Variants in TAF1C observed in about 807,000 individuals in gnomAD.
TAF1C encodes the protein TATA box-binding protein-associated factor RNA polymerase I subunit C.
Under a neutral mutation model 70.5 loss-of-function variants are expected in TAF1C, and 79 were observed. The ratio of observed to expected loss-of-function variants is 1.12; its 90% confidence interval spans 0.93 to 1.35. TAF1C has a LOEUF of 1.35. Among genes scored for constraint, TAF1C ranks in the 40% most tolerant of loss-of-function variants. TAF1C has a pLI of 0.00. For missense variants in TAF1C, 1,412 were observed against 1,127.8 expected (o/e 1.25, Z -3.61); for synonymous variants, 614 against 491.1 (o/e 1.25, Z -3.31).
Position 84,180,279 on chromosome 16 carries a change from G to A in TAF1C, c.1374C>T (p.Leu458=). 6.5e-7 allele frequency: 1 copy of A among 1,549,824 alleles called. No homozygotes were observed. Among genetic ancestry groups the A allele is most frequent in the Non-Finnish European group, 8.7e-7 (1 of 1,148,484 alleles). The part of the protein sequence containing the change: ...LVPMLKWNHG[L]PSPLLLARLL... ...GTCGGGCCAGCAGGAGCGGGGAGGG[G>A]AGGCCATGGTTCCACTTCAGCATCG... is the stretch of plus-strand genomic sequence containing the variant. The change falls in exon 13 of 15, where the codon CTC becomes CTT. Residue 458 remains leucine (L), a synonymous_variant. Coordinates refer to ENST00000566732, the MANE Select transcript of TAF1C (RefSeq NM_001243156.2).
Position 84,185,016 on chromosome 16 carries a change from T to TG in TAF1C, c.-29dup. 1 of 1,607,600 alleles carries TG rather than the reference T, an allele frequency of 6.2e-7. No homozygotes were observed. Among genetic ancestry groups the TG allele is most frequent in the Admixed American group, 1.7e-5 (1 of 59,306 alleles). Reference sequence around the variant, plus strand: ...TGGAAACAAGGACCAAGCACCACACTGGCCACCTCGAGAGACTGGAAGCTG... The same window carrying TG: ...TGGAAACAAGGACCAAGCACCACACTGGGCCACCTCGAGAGACTGGAAGCTG... On this transcript the variant is annotated 5_prime_UTR_variant, in exon 2 of 15. Transcript: ENST00000566732.
chr16:84,182,443 G>A lies in TAF1C; in HGVS notation c.483-3C>T, dbSNP rs1461550086. 2.5e-6 allele frequency: 4 copies of A among 1,597,840 alleles called. No individual in the cohort carries two copies. Among genetic ancestry groups the A allele is most frequent in the Non-Finnish European group, 3.4e-6 (4 of 1,175,306 alleles). ...TGCTGAGGTAAGCCCAGGGACACCTGGGGACCAGAGAACAGCAGGAGGATC... is the reference window on the plus strand; with the variant it reads ...TGCTGAGGTAAGCCCAGGGACACCTAGGGACCAGAGAACAGCAGGAGGATC... On this transcript the variant is annotated splice_polypyrimidine_tract_variant and splice_region_variant and intron_variant, in intron 6 of 14. Coordinates refer to ENST00000566732, the MANE Select transcript of TAF1C (RefSeq NM_001243156.2). This position sits in a 1 kb window ranked among gnomAD's most constrained non-coding sequence, Gnocchi z 5.0.
intron 10 of TAF1C, 60 bp downstream of exon 10, chr16:84,181,532 T>G (rs747698687): frequency 6.2e-7 from 1 of 1,613,532 alleles, no homozygotes; most frequent in East Asian, 2.2e-5. Context: ...GGTCGCGACA[T>G]GCTCAACAGG....
Position 84,178,751 on chromosome 16 carries a change from A to G in TAF1C, c.*190T>C. On this transcript the variant is annotated 3_prime_UTR_variant, in exon 15 of 15. Coordinates refer to ENST00000566732, the MANE Select transcript of TAF1C (RefSeq NM_001243156.2). ...ATCTTCAGGCGAATATACAAAATACAAAAGAAACTACTACTGTATTTTGTT... is the reference window on the plus strand; with the variant it reads ...ATCTTCAGGCGAATATACAAAATACGAAAGAAACTACTACTGTATTTTGTT... 1.6e-6 allele frequency: 1 copy of G among 631,692 alleles called. No individual in the cohort carries two copies. The highest frequency in any genetic ancestry group is 1.8e-5 in the African/African-American group (1 of 54,556). 39.1% of individuals were successfully genotyped at this position (631,692 alleles called of 1,614,324 possible). A position where few individuals can be genotyped will look rare whatever the true frequency, so the allele number is the denominator to read the frequency against.
At position 84,178,966 on chromosome 16, in the gene TAF1C, C is replaced by T. The variant is rs375521165; in HGVS notation, c.2507G>A (p.Arg836Gln). 3.1e-5 allele frequency: 50 copies of T among 1,609,798 alleles called. No homozygotes were observed. The African/African-American group carries it at 3.3e-4, about 11-fold the overall frequency. ...TCAGAAGCCCATTCGAGGCTTCTTC[C>T]GGAGGGGCTGAGAGCTAGAGAGGAC... The part of the protein sequence containing the change: ...TPVLSSSQPL[R>Q]KKPRMGF The change falls in exon 15 of 15, where the codon CGG becomes CAG. Residue 836 changes from arginine to glutamine, a missense_variant. Arg to Gln is a conservative substitution (Grantham distance 43, BLOSUM62 1). Transcript: ENST00000566732.
At chr16:84,186,449 G>A (rs373600023) in intron 1 of TAF1C, among the ~76,000 whole-genome samples, 13 of 152,190 alleles carry the variant, frequency 8.5e-5, no homozygotes, top group African/African-American at 3.1e-4. Flanking sequence ...AACTACCGAG[G>A]AGGCTGGGCA....
chr16:84,179,709 AG>A lies in TAF1C; in HGVS notation c.1763del (p.Pro588LeufsTer27), dbSNP rs1567584955. ...DSSLRRDAGPPGDTQPDCHAP... is the reference protein window; with the variant it reads ...DSSLRRDAGPXGDTQPDCHAP... ...CATGGCAGTCAGGTTGGGTGTCGCCAGGAGGCCCAGCATCTCTGCGGAGGCT... is the reference window on the plus strand; with the variant it reads ...CATGGCAGTCAGGTTGGGTGTCGCCAGAGGCCCAGCATCTCTGCGGAGGCT... On this transcript the variant is annotated frameshift_variant, in exon 15 of 15. Transcript: ENST00000566732. LOFTEE classifies it low-confidence loss of function (END_TRUNC). The A allele has an allele frequency of 1.2e-6, 2 of 1,612,412 alleles. No homozygotes were observed. The highest frequency in any genetic ancestry group is 3.3e-5 in the Admixed American group (2 of 59,976).
rs762636771 is a variant in TAF1C at position 84,183,145 on chromosome 16, C to G, written c.413G>C (p.Arg138Pro). Residue 138 changes from arginine to proline, a missense_variant, in exon 6 of 15, where the codon CGC becomes CCC. By Grantham distance (103) the Arg-to-Pro change is moderately radical (BLOSUM62 -2). Coordinates refer to ENST00000566732, the MANE Select transcript of TAF1C (RefSeq NM_001243156.2). ...ENFKLEGAGS[R>P]TKKKTVVSVK... is the part of the protein sequence containing the mutation. ...ACTGACCACTGTCTTCTTCTTAGTG[C>G]GGCTCTGCATGGAAAGGCCTTGTCA... 6.2e-7 allele frequency: 1 copy of G among 1,614,056 alleles called. No individual in the cohort carries two copies. Among genetic ancestry groups the G allele is most frequent in the Non-Finnish European group, 8.5e-7 (1 of 1,180,016 alleles).
chr16:84,178,398 T>C lies in TAF1C; in HGVS notation c.*543A>G, dbSNP rs1242809928. 4.4e-6 allele frequency: 2 copies of C among 457,138 alleles called. No individual in the cohort carries two copies. The highest frequency in any genetic ancestry group is 8.8e-6 in the Non-Finnish European group (2 of 227,448). The allele number at this position is 457,138 out of a possible 1,614,324, so 28.3% of individuals were successfully genotyped here. On this transcript the variant is annotated 3_prime_UTR_variant, in exon 15 of 15. Transcript: ENST00000566732. ...TTCCAATTCATCTTCAGCTGCCAAG[T>C]GTATTTAGTCCCTGAACCTGGATCC...
At chr16:84,183,038 A>T in intron 6 of TAF1C, 38 bp downstream of exon 6, 1 of 1,607,232 alleles carries the variant, frequency 6.2e-7, no homozygotes, top group Non-Finnish European at 8.5e-7. Context: ...ACCACCAGCT[A>T]TGCCTATCCA....
chr16:84,182,099 C>T lies in TAF1C; in HGVS notation c.722-41G>A. ...AGGATCAGTGCACGAGCTATGATCA[C>T]TGCAAGCCCCCCAAATTCCTGCCCT... On this transcript the variant is annotated intron_variant, in intron 7 of 14. Coordinates refer to ENST00000566732, the MANE Select transcript of TAF1C (RefSeq NM_001243156.2). The surrounding 1 kb of genome is among the most constrained non-coding windows in gnomAD (Gnocchi z 5.0). The T allele has an allele frequency of 6.3e-7, 1 of 1,598,704 alleles. No homozygotes were observed. The highest frequency in any genetic ancestry group is 8.5e-7 in the Non-Finnish European group (1 of 1,171,036).
chr16:84,180,467 T>C, intron 12 of TAF1C, 123 bp from the exon 13 acceptor site: 2 of 1,046,954 alleles, frequency 1.9e-6, no homozygotes, highest in South Asian at 1.6e-5. Context: ...GCATCTCCCA[T>C]CAGCCTCCAC....
chr16:84,181,307 T>A, intron 11 of TAF1C, 21 bp downstream of exon 11: 1 of 1,611,336 alleles, frequency 6.2e-7, no homozygotes, highest in Non-Finnish European at 8.5e-7. Flanking sequence ...TCGGGGTGGG[T>A]CCTCTGCCGC....
In TAF1C at chr16:84,178,097, C is replaced by T. The variant is rs1164363550; in HGVS notation, c.*844G>A. ...CACAGGAAAACAGAATCTTCCACTG[C>T]AGCTAGAGAAACTCCGAGGAAGAGG... On this transcript the variant is annotated 3_prime_UTR_variant, in exon 15 of 15. Coordinates refer to ENST00000566732, the MANE Select transcript of TAF1C (RefSeq NM_001243156.2). 1 of 468,872 alleles carries T rather than the reference C, an allele frequency of 2.1e-6. No homozygotes were observed. Among genetic ancestry groups the T allele is most frequent in the Non-Finnish European group, 4.0e-6 (1 of 252,576 alleles). The allele number at this position is 468,872 out of a possible 1,614,324, so 29.0% of individuals were successfully genotyped here. A position where few individuals can be genotyped will look rare whatever the true frequency, so the allele number is the denominator to read the frequency against.
At position 84,179,986 on chromosome 16, in the gene TAF1C, G is replaced by A. The variant is rs781642896; in HGVS notation, c.1581C>T (p.Ile527=). The A allele has an allele frequency of 4.7e-5, 76 of 1,612,526 alleles. No homozygotes were observed. The highest frequency in any genetic ancestry group is 6.3e-5 in the Non-Finnish European group (74 of 1,179,928). ...LPAFPLLEPK[I]QWRLQERLKA... ...TCAGGCGCTCCTGCAGCCGCCACTG[G>A]ATCTTAGGCTCCAGCAGAGGAAATG... is the stretch of plus-strand genomic sequence containing the variant. Residue 527 remains isoleucine (I), a synonymous_variant, in exon 14 of 15, where the codon ATC becomes ATT. Coordinates refer to ENST00000566732, the MANE Select transcript of TAF1C (RefSeq NM_001243156.2).
At position 84,178,503 on chromosome 16, in the gene TAF1C, T is replaced by C; in HGVS notation, c.*438A>G. ...CACAACAGCAGCTGCCAACGGCCGCTGTGCCCACCTCATCAGCAGCTCTGC... is the reference window on the plus strand; with the variant it reads ...CACAACAGCAGCTGCCAACGGCCGCCGTGCCCACCTCATCAGCAGCTCTGC... On this transcript the variant is annotated 3_prime_UTR_variant, in exon 15 of 15. Coordinates refer to ENST00000566732, the MANE Select transcript of TAF1C (RefSeq NM_001243156.2). The C allele has an allele frequency of 2.2e-6, 1 of 461,614 alleles. No individual in the cohort carries two copies. Among genetic ancestry groups the C allele is most frequent in the Non-Finnish European group, 4.3e-6 (1 of 231,758 alleles). The allele number at this position is 461,614 out of a possible 1,614,324, so 28.6% of individuals were successfully genotyped here. A position where few individuals can be genotyped will look rare whatever the true frequency, so the allele number is the denominator to read the frequency against.
chr16:84,184,803 G>C, intron 2 of TAF1C, 48 bp downstream of exon 2: 2 of 1,549,636 alleles, frequency 1.3e-6, no homozygotes, highest in Non-Finnish European at 1.7e-6. Context: ...GGGGACCCAG[G>C]GAAGGGATGT....
chr16:84,183,242 A>T lies in TAF1C; in HGVS notation c.408+2T>A. On this transcript the variant is annotated splice_donor_variant, in intron 5 of 14. Transcript: ENST00000566732. LOFTEE classifies it high-confidence loss of function. ...CCACCCCTGGAGTCACGGGCCACTC[A>T]CCCCCGCTCCCTCCAGCTTGAAATT... The T allele has an allele frequency of 6.2e-7, 1 of 1,613,850 alleles. No homozygotes were observed. Among genetic ancestry groups the T allele is most frequent in the Non-Finnish European group, 8.5e-7 (1 of 1,179,984 alleles).
At position 84,178,612 on chromosome 16, in the gene TAF1C, A is replaced by C; in HGVS notation, c.*329T>G. 1 of 433,218 alleles carries C rather than the reference A, an allele frequency of 2.3e-6. No individual in the cohort carries two copies. Among genetic ancestry groups the C allele is most frequent in the East Asian group, 5.2e-5 (1 of 19,222 alleles). The allele number at this position is 433,218 out of a possible 1,614,324, so 26.8% of individuals were successfully genotyped here. The stretch of plus-strand genomic sequence containing the variant: ...ACTGGACAGGAAGGCGTGAGAACTG[A>C]GGGACCTGCCTGAGGCCCCCACAGC... On this transcript the variant is annotated 3_prime_UTR_variant, in exon 15 of 15. Coordinates refer to ENST00000566732, the MANE Select transcript of TAF1C (RefSeq NM_001243156.2).
Sources: gnomAD v4.1 joint callset for allele counts (sites outside exome capture counted in the v4.1 genomes callset) on GRCh38, gnomAD v4.1.1 for gene constraint, Gnocchi (gnomAD v3.1) non-coding constraint, MANE v1.5 for transcripts, NCBI Gene and HGNC (gene_info 2026-07-23, HGNC 2026-07-21) for gene names.